Variants in KAT6B observed in about 807,000 individuals in gnomAD.
The protein encoded by KAT6B is lysine acetyltransferase 6B, also known as histone acetyltransferase KAT6B.
Under a neutral mutation model 187.5 loss-of-function variants are expected in KAT6B, and 10 were observed. The observed-to-expected ratio is 0.05, with a 90% confidence interval of 0.03 to 0.09. KAT6B has a LOEUF of 0.09. Ranked by LOEUF, KAT6B falls within the 10% of genes least tolerant of loss-of-function variation. The pLI, the probability that KAT6B is intolerant of heterozygous loss-of-function variation, is 1.00. For synonymous variants in KAT6B, 861 were observed against 926.8 expected (o/e 0.93, Z 1.29); for missense variants, 1,952 against 2,558.9 (o/e 0.76, Z 5.12).
At chr10:74,979,648 AAG>A (rs1478255513) in intron 10 of KAT6B, among the ~76,000 whole-genome samples, 1 of 152,028 alleles carries the variant, frequency 6.6e-6, no homozygotes, top group African/African-American at 2.4e-5. Flanking sequence ...AAAAAAAAAA[AAG>A]AAATTTGCCA....
At chr10:74,835,370 T>C (rs1841211082) in intron 1 of KAT6B, among the ~76,000 whole-genome samples, 1 of 152,216 alleles carries the variant, frequency 6.6e-6, no homozygotes, top group Non-Finnish European at 1.5e-5. Flanking sequence ...GACTTCTTCC[T>C]TCTGTAATCA....
chr10:74,941,664 CA>C (rs2133292748), intron 3 of KAT6B, among the ~76,000 whole-genome samples: 1 of 152,158 alleles, frequency 6.6e-6, no homozygotes, highest in East Asian at 1.9e-4. Context: ...CTATAGCGAG[CA>C]AAGAAATTCG....
In KAT6B at chr10:75,022,090, C is replaced by CGAG; in HGVS notation, c.3240_3242dup (p.Glu1089dup). The CGAG allele has an allele frequency of 6.3e-7, 1 of 1,595,222 alleles. No individual in the cohort carries two copies. The highest frequency in any genetic ancestry group is 8.6e-7 in the Non-Finnish European group (1 of 1,168,126). On this transcript the variant is annotated inframe_insertion, in exon 16 of 18. Transcript: ENST00000287239. ...GTGAAGAAGAAGAGGAGGAGGAGGA[C>CGAG]GAGGAGGAGGAAGAAGAGGAGGAAG...
chr10:74,882,664 G>C (rs1172765698), intron 3 of KAT6B, among the ~76,000 whole-genome samples: 1 of 152,206 alleles, frequency 6.6e-6, no homozygotes, highest in Non-Finnish European at 1.5e-5. Flanking sequence ...TAGCCAGCAT[G>C]GCTGGATTCT....
At chr10:74,941,612 A>AAC (rs1849668894) in intron 3 of KAT6B, among the ~76,000 whole-genome samples, 1 of 152,088 alleles carries the variant, frequency 6.6e-6, no homozygotes, top group South Asian at 2.1e-4. Context: ...CCAACACACA[A>AAC]ACACACACAC....
At chr10:74,996,999 C>T (rs1367355712) in intron 13 of KAT6B, among the ~76,000 whole-genome samples, 1 of 151,956 alleles carries the variant, frequency 6.6e-6, no homozygotes, top group African/African-American at 2.4e-5. Flanking sequence ...AGTTTAATAT[C>T]TATAGTGTTT....
rs563227196 is a variant in KAT6B at position 74,926,334 on chromosome 10, A to G, written c.622-33636A>G. 3.3e-5 allele frequency among the ~76,000 whole-genome samples: 5 copies of G among 152,276 alleles called. No individual in the cohort carries two copies. The East Asian group carries it at 9.7e-4, about 29-fold the overall frequency. The stretch of plus-strand genomic sequence containing the variant: ...CTGGGTGTGGTGGCACACGCCTGTA[A>G]TCCCAGCTACTTGGGAGGCTGAGGC... On this transcript the variant is annotated intron_variant, in intron 3 of 17. Transcript: ENST00000287239.
intron 7 of KAT6B, among the ~76,000 whole-genome samples, chr10:74,973,687 A>G (rs763733538): frequency 1.6e-4 from 24 of 152,230 alleles, no homozygotes; most frequent in South Asian, 4.1e-4. Context: ...AGAGTTTTCT[A>G]TGAAACTTTG....
chr10:74,869,714 G>A (rs1843782855), intron 3 of KAT6B, among the ~76,000 whole-genome samples: 1 of 152,134 alleles, frequency 6.6e-6, no homozygotes, highest in East Asian at 1.9e-4. Context: ...GTCTAATTAT[G>A]TATTTATTTG....
chr10:74,912,414 A>AGATAGATAGAT (rs1564559276), intron 3 of KAT6B, among the ~76,000 whole-genome samples: 142 of 57,670 alleles, frequency 2.5e-3, no homozygotes, highest in African/African-American at 6.7e-3. Flanking sequence ...GATAGATAGA[A>AGATAGATAGAT]AGATAGATGA....
chr10:74,849,491 C>T (rs1159260836), intron 3 of KAT6B, among the ~76,000 whole-genome samples: 2 of 148,166 alleles, frequency 1.3e-5, no homozygotes, highest in Non-Finnish European at 3.0e-5. Context: ...CAGGGTTTCA[C>T]CATGTTGACC....
intron 3 of KAT6B, among the ~76,000 whole-genome samples, chr10:74,911,933 G>C (rs536972764): frequency 6.6e-6 from 1 of 152,054 alleles, no homozygotes; most frequent in Non-Finnish European, 1.5e-5. Flanking sequence ...AGCTTTCTGA[G>C]TAGCTAGGAC....
rs534676880 is a variant in KAT6B, at chr10:74,973,185, A to G, written c.1061+546A>G. ...TTAGACAGAACTATTTGACAACTGC[A>G]CTAGTGCAGACATATATATAAAATA... On this transcript the variant is annotated intron_variant, in intron 7 of 17. Coordinates refer to ENST00000287239, the MANE Select transcript of KAT6B (RefSeq NM_012330.4). Among the ~76,000 whole-genome samples the G allele has an allele frequency of 3.9e-5, 6 of 152,362 alleles. No individual in the cohort carries two copies. The South Asian group carries it at 6.2e-4, about 16-fold the overall frequency.
chr10:74,977,363 G>A lies in KAT6B; in HGVS notation c.2041G>A (p.Val681Met). 6.2e-7 allele frequency: 1 copy of A among 1,613,836 alleles called. No homozygotes were observed. Among genetic ancestry groups the A allele is most frequent in the Non-Finnish European group, 8.5e-7 (1 of 1,179,752 alleles). The change falls in exon 9 of 18, where the codon GTG (valine) becomes ATG (methionine). Residue 681 changes from valine (V) to methionine (M), a missense_variant. Val to Met is a conservative substitution (Grantham distance 21). Transcript: ENST00000287239. Reference protein sequence around the residue: ...NIKQESADVNVIGNKDVVTEE... With the variant: ...NIKQESADVNMIGNKDVVTEE... ...CAAACAAGAAAGTGCAGATGTAAAT[G>A]TGATTGGAAACAAGGATGTCGTTAC...
chr10:75,010,910 G>GGT (rs1466102861), intron 13 of KAT6B, among the ~76,000 whole-genome samples: 1 of 152,216 alleles, frequency 6.6e-6, no homozygotes, highest in East Asian at 1.9e-4. Context: ...CAATCTTAAA[G>GGT]GTAAAGCATT....
intron 15 of KAT6B, 72 bp downstream of exon 15, chr10:75,021,357 TA>T (rs1845395553): frequency 6.6e-7 from 1 of 1,519,048 alleles, no homozygotes; most frequent in African/African-American, 1.4e-5. Flanking sequence ...AGAAAGTCAT[TA>T]AGATCGTTGT....
chr10:75,031,214 T>C lies in KAT6B; in HGVS notation c.*168T>C. Reference sequence around the variant, plus strand: ...AAGCTGTATGCAGCAGAAAGCCTTATACAAGTTGTTTTTCTTTTTTTCCTT... The same window carrying C: ...AAGCTGTATGCAGCAGAAAGCCTTACACAAGTTGTTTTTCTTTTTTTCCTT... On this transcript the variant is annotated 3_prime_UTR_variant, in exon 18 of 18. Transcript: ENST00000287239. The C allele has an allele frequency of 1.3e-6, 1 of 763,228 alleles. No individual in the cohort carries two copies. Among genetic ancestry groups the C allele is most frequent in the South Asian group, 1.7e-5 (1 of 57,670 alleles). 47.3% of individuals were successfully genotyped at this position (763,228 alleles called of 1,614,324 possible).
chr10:74,825,227 A>G (rs1840098872), upstream of KAT6B, among the ~76,000 whole-genome samples: 1 of 152,008 alleles, frequency 6.6e-6, no homozygotes, highest in Admixed American at 6.5e-5. The surrounding 1 kb of genome is among the most constrained non-coding windows in gnomAD (Gnocchi z 5.0). Flanking sequence ...GTTGGCGAGG[A>G]CCGCACCTCA....
intron 3 of KAT6B, among the ~76,000 whole-genome samples, chr10:74,864,850 T>C (rs1284304919): frequency 6.6e-6 from 1 of 152,246 alleles, no homozygotes; most frequent in African/African-American, 2.4e-5. Flanking sequence ...GCAGCCACAC[T>C]TGGTGGTTTG....
Sources: gnomAD v4.1 joint callset for allele counts (sites outside exome capture counted in the v4.1 genomes callset) on GRCh38, gnomAD v4.1.1 for gene constraint, Gnocchi (gnomAD v3.1) non-coding constraint, MANE v1.5 for transcripts, NCBI Gene and HGNC (gene_info 2026-07-23, HGNC 2026-07-21) for gene names.